Variants in HK1 observed in about 807,000 individuals in gnomAD.
HK1 encodes hexokinase-1.
In HK1, 28 loss-of-function variants were observed where a neutral mutation model predicts 91.6. That is an observed-to-expected ratio of 0.31 (90% CI 0.23 to 0.42). The LOEUF is 0.42. Ranked by LOEUF, HK1 falls within the 10% of genes least tolerant of loss-of-function variation. The pLI, the probability that HK1 is intolerant of heterozygous loss-of-function variation, is 1.00. For missense variants in HK1, 770 were observed against 1,219.8 expected (o/e 0.63, Z 5.49); for synonymous variants, 430 against 468.1 (o/e 0.92, Z 1.05).
intron 5 of HK1, among the ~76,000 whole-genome samples, chr10:69,308,605 G>C (rs1045161571): frequency 6.6e-6 from 1 of 152,184 alleles, no homozygotes; most frequent in Non-Finnish European, 1.5e-5. Context: ...GGGTCGATCT[G>C]TAACTACCAG....
intron 1 of HK1, among the ~76,000 whole-genome samples, chr10:69,328,706 A>G (rs756371609): frequency 3.3e-5 from 5 of 152,232 alleles, no homozygotes; most frequent in African/African-American, 9.6e-5. Context: ...GGTTTCTAAT[A>G]GATTTACAAG....
chr10:69,318,830 A>G (rs536258210), upstream of HK1: 278 of 1,444,896 alleles, frequency 1.9e-4, no homozygotes, highest in Admixed American at 1.0e-3. Context: ...GAGGGGGAGG[A>G]GCCGGGGGAG....
At chr10:69,277,964 CGAA>C (rs1400096224) in intron 1 of HK1, among the ~76,000 whole-genome samples, 6 of 151,440 alleles carry the variant, frequency 4.0e-5, no homozygotes, top group African/African-American at 1.2e-4. Context: ...ACCTGGGAGG[CGAA>C]GGTTGCAGTG....
intron 2 of HK1, among the ~76,000 whole-genome samples, chr10:69,346,727 A>G (rs923109306): frequency 1.3e-5 from 2 of 152,030 alleles, no homozygotes; most frequent in Non-Finnish European, 2.9e-5. Flanking sequence ...AAAAACCCCA[A>G]AAACCTAAAG....
intron 3 of HK1, chr10:69,292,206 G>A (rs192664221): frequency 5.9e-5 from 18 of 303,802 alleles, no homozygotes; most frequent in African/African-American, 3.8e-4. Flanking sequence ...AAGTAGCTGG[G>A]ACTAGAGGCG....
At chr10:69,389,989 C>T (rs945102479) in intron 14 of HK1, among the ~76,000 whole-genome samples, 7 of 152,118 alleles carry the variant, frequency 4.6e-5, no homozygotes, top group African/African-American at 1.7e-4. Flanking sequence ...TGGGAAAGAC[C>T]CCAGGGAGTT....
chr10:69,282,268 C>T (rs755794531), intron 1 of HK1, among the ~76,000 whole-genome samples: 14 of 152,130 alleles, frequency 9.2e-5, no homozygotes, highest in South Asian at 2.1e-4. Context: ...TCAATATCAC[C>T]GTCCTCCTCA....
chr10:69,387,928 T>TA (rs1481660235), intron 13 of HK1, among the ~76,000 whole-genome samples: 1 of 152,042 alleles, frequency 6.6e-6, no homozygotes, highest in Non-Finnish European at 1.5e-5. Context: ...GTAAGAACTT[T>TA]AAAAAACAAA....
chr10:69,392,767 T>C (rs1475436080), intron 15 of HK1, among the ~76,000 whole-genome samples: 6 of 152,218 alleles, frequency 3.9e-5, no homozygotes. Flanking sequence ...GAAATGGCAG[T>C]GTCTGCCCTT....
chr10:69,319,737 T>C (rs1846897248), intron 1 of HK1, among the ~76,000 whole-genome samples: 1 of 152,248 alleles, frequency 6.6e-6, no homozygotes, highest in Non-Finnish European at 1.5e-5. Context: ...GTTCTAGCAC[T>C]TGGACGCATG....
At chr10:69,329,446 C>T (rs1377323491) in intron 1 of HK1, among the ~76,000 whole-genome samples, 1 of 152,130 alleles carries the variant, frequency 6.6e-6, no homozygotes, top group African/African-American at 2.4e-5. Flanking sequence ...CAGGCGTGAG[C>T]CACCGCGCCC....
At chr10:69,370,317 TCAG>T (rs1849932722) in intron 7 of HK1, among the ~76,000 whole-genome samples, 1 of 150,288 alleles carries the variant, frequency 6.7e-6, no homozygotes, top group Non-Finnish European at 1.5e-5. Context: ...GCCCAGGAGC[TCAG>T]TAGCCCCTGA....
intron 2 of HK1, among the ~76,000 whole-genome samples, chr10:69,350,297 A>G (rs1424330776): frequency 6.6e-6 from 1 of 152,142 alleles, no homozygotes; most frequent in African/African-American, 2.4e-5. Context: ...ATAGGTGAAA[A>G]ATGGGAGGGT....
intron 1 of HK1, among the ~76,000 whole-genome samples, chr10:69,273,588 G>A (rs1239185928): frequency 6.6e-6 from 1 of 152,066 alleles, no homozygotes; most frequent in Non-Finnish European, 1.5e-5. Flanking sequence ...CTGACCTCAG[G>A]TGATCCCCCT....
chr10:69,312,486 G>A (rs1032977701), upstream of HK1, among the ~76,000 whole-genome samples: 8 of 151,888 alleles, frequency 5.3e-5, no homozygotes, highest in East Asian at 5.8e-4. Context: ...TGATCCACCC[G>A]CCTCGGCCTC....
At chr10:69,273,234 G>C (rs1844265817) in intron 1 of HK1, among the ~76,000 whole-genome samples, 1 of 151,690 alleles carries the variant, frequency 6.6e-6, no homozygotes, top group Non-Finnish European at 1.5e-5. Context: ...TTATTTATTT[G>C]AGATGGAGTC....
At chr10:69,360,263 G>A (rs886710837) in intron 3 of HK1, among the ~76,000 whole-genome samples, 1 of 152,236 alleles carries the variant, frequency 6.6e-6, no homozygotes, top group East Asian at 1.9e-4. Flanking sequence ...GGGCAAACTG[G>A]TGTAGTGGAA....
At chr10:69,344,581 A>G (rs138864652) in intron 2 of HK1, among the ~76,000 whole-genome samples, 36 of 152,308 alleles carry the variant, frequency 2.4e-4, no homozygotes, top group Admixed American at 3.9e-4. Context: ...ATTGAAAGAA[A>G]AATTGTATCC....
chr10:69,295,776 C>T, intron 4 of HK1: 5 of 852,320 alleles, frequency 5.9e-6, no homozygotes, highest in Non-Finnish European at 9.8e-6. Context: ...TTTCAGCCAG[C>T]CAAGCAGCTG....
Sources: gnomAD v4.1 joint callset for allele counts (sites outside exome capture counted in the v4.1 genomes callset) on GRCh38, gnomAD v4.1.1 for gene constraint, MANE v1.5 for transcripts, NCBI Gene and HGNC (gene_info 2026-07-23, HGNC 2026-07-21) for gene names.